Variants in GALNTL6 observed in about 807,000 individuals in gnomAD.
GALNTL6 encodes polypeptide N-acetylgalactosaminyltransferase-like 6.
Under a neutral mutation model 73.7 loss-of-function variants are expected in GALNTL6, and 46 were observed. The observed-to-expected ratio is 0.62, with a 90% CI of 0.49 to 0.80. The LOEUF is 0.80. Ranked by LOEUF, GALNTL6 falls within the 30% of genes least tolerant of loss-of-function variation. GALNTL6 has a pLI of 0.00. For synonymous variants in GALNTL6, 259 were observed against 263.7 expected (o/e 0.98, Z 0.17); for missense variants, 604 against 755.0 (o/e 0.80, Z 2.34).
chr4:172,793,536 G>A (rs946323160), intron 5 of GALNTL6, among the ~76,000 whole-genome samples: 1 of 152,178 alleles, frequency 6.6e-6, no homozygotes, highest in African/African-American at 2.4e-5. Context: ...GGGACCATGG[G>A]AGACACATCA....
intron 5 of GALNTL6, among the ~76,000 whole-genome samples, chr4:172,377,248 C>T (rs1743065576): frequency 6.6e-6 from 1 of 152,186 alleles, no homozygotes; most frequent in East Asian, 1.9e-4. Flanking sequence ...GGTGCGTTTA[C>T]AATCCCTGAG....
intron 5 of GALNTL6, among the ~76,000 whole-genome samples, chr4:172,631,781 A>G (rs977269134): frequency 6.6e-6 from 1 of 152,230 alleles, no homozygotes; most frequent in African/African-American, 2.4e-5. Flanking sequence ...TGAATATAAA[A>G]GGGATAGGTA....
intron 2 of GALNTL6, among the ~76,000 whole-genome samples, chr4:171,946,426 G>A (rs1341414142): frequency 2.6e-5 from 4 of 152,110 alleles, no homozygotes; most frequent in Admixed American, 2.6e-4. Context: ...AGCAATTCCT[G>A]GGTAGAGTTT....
At chr4:171,889,269 C>A (rs542325497) in intron 2 of GALNTL6, among the ~76,000 whole-genome samples, 69 of 152,032 alleles carry the variant, frequency 4.5e-4, no homozygotes, top group African/African-American at 1.6e-3. Flanking sequence ...TATTTAACAT[C>A]GTCAAGTTAA....
At chr4:172,392,268 C>T (rs893531902) in intron 5 of GALNTL6, among the ~76,000 whole-genome samples, 2 of 152,142 alleles carry the variant, frequency 1.3e-5, no homozygotes, top group Admixed American at 6.5e-5. Flanking sequence ...GAATCACAGA[C>T]ATGAGCCACC....
chr4:173,033,814 A>G (rs1170230103), intron 12 of GALNTL6, among the ~76,000 whole-genome samples: 1 of 152,214 alleles, frequency 6.6e-6, no homozygotes, highest in Non-Finnish European at 1.5e-5. Context: ...TTACAGAAAC[A>G]TCCTCTTCCA....
intron 2 of GALNTL6, among the ~76,000 whole-genome samples, chr4:172,052,215 C>A (rs1215165369): frequency 6.6e-6 from 1 of 152,156 alleles, no homozygotes; most frequent in Non-Finnish European, 1.5e-5. Flanking sequence ...GTTCTTATAT[C>A]CCGGTCATGG....
intron 2 of GALNTL6, among the ~76,000 whole-genome samples, chr4:171,910,240 T>G (rs1200932115): frequency 3.3e-5 from 5 of 152,118 alleles, no homozygotes; most frequent in Admixed American, 1.3e-4. Flanking sequence ...ACCTTCATCT[T>G]TTTAATAATC....
intron 2 of GALNTL6, among the ~76,000 whole-genome samples, chr4:172,004,296 G>A (rs1315340456): frequency 1.3e-5 from 2 of 152,120 alleles, no homozygotes; most frequent in Non-Finnish European, 1.5e-5. Flanking sequence ...CTTTCAGAAA[G>A]AGTGACAATG....
intron 5 of GALNTL6, among the ~76,000 whole-genome samples, chr4:172,803,699 C>A (rs1190921698): frequency 6.6e-6 from 1 of 152,060 alleles, no homozygotes; most frequent in East Asian, 1.9e-4. Flanking sequence ...CATTCTAATT[C>A]TTTTTTTCTT....
chr4:172,081,973 C>A (rs977776365), intron 2 of GALNTL6, among the ~76,000 whole-genome samples: 1 of 151,546 alleles, frequency 6.6e-6, no homozygotes, highest in Non-Finnish European at 1.5e-5. Flanking sequence ...GCCTCCCAGG[C>A]TCAAGCTATT....
At chr4:172,840,970 G>A (rs1022517306) in intron 7 of GALNTL6, among the ~76,000 whole-genome samples, 1 of 152,182 alleles carries the variant, frequency 6.6e-6, no homozygotes, top group Admixed American at 6.5e-5. Flanking sequence ...TCTGGGGCCA[G>A]CAGTCCTTCA....
intron 5 of GALNTL6, among the ~76,000 whole-genome samples, chr4:172,438,719 A>G (rs148709822): frequency 1.3e-5 from 2 of 152,106 alleles, no homozygotes; most frequent in Non-Finnish European, 2.9e-5. Flanking sequence ...AGTAACCTCA[A>G]ATGAGACATT....
At chr4:172,693,626 G>T (rs1000707447) in intron 5 of GALNTL6, among the ~76,000 whole-genome samples, 1 of 152,088 alleles carries the variant, frequency 6.6e-6, no homozygotes, top group East Asian at 1.9e-4. Context: ...CTCTCACTAT[G>T]CTCCTTCCGC....
At position 172,906,880 on chromosome 4, in the gene GALNTL6, G is replaced by A. The variant is rs549491011; in HGVS notation, c.1041+23973G>A. Reference sequence around the variant, plus strand: ...ATTTTAAGACTCACTTGTTAGGTCAGACCTATCCAGGAAAATTTCCCTTTT... The same window carrying A: ...ATTTTAAGACTCACTTGTTAGGTCAAACCTATCCAGGAAAATTTCCCTTTT... On this transcript the variant is annotated intron_variant, in intron 8 of 12. Transcript: ENST00000506823. Among the ~76,000 whole-genome samples, 5 of 152,350 alleles carry A rather than the reference G, an allele frequency of 3.3e-5. No individual in the cohort carries two copies. In the East Asian group the frequency reaches 9.6e-4, roughly 29 times the overall value.
chr4:172,015,286 A>G (rs1741151778), intron 2 of GALNTL6, among the ~76,000 whole-genome samples: 1 of 151,576 alleles, frequency 6.6e-6, no homozygotes, highest in Non-Finnish European at 1.5e-5. Context: ...CTGTTGGACT[A>G]CTCCCTTTAT....
intron 2 of GALNTL6, among the ~76,000 whole-genome samples, chr4:171,998,241 A>G (rs1410400002): frequency 1.3e-5 from 2 of 152,168 alleles, no homozygotes; most frequent in Admixed American, 6.6e-5. Context: ...GCAAAACAGA[A>G]CCAACAGAAT....
intron 2 of GALNTL6, among the ~76,000 whole-genome samples, chr4:171,834,630 A>G (rs1735054644): frequency 1.3e-5 from 2 of 152,028 alleles, no homozygotes; most frequent in Non-Finnish European, 2.9e-5. Flanking sequence ...CACATTTACA[A>G]TATGCGATGG....
intron 10 of GALNTL6, among the ~76,000 whole-genome samples, chr4:172,954,251 T>C (rs17059062): frequency 0.039 from 5,875 of 152,296 alleles, 258 homozygotes; most frequent in African/African-American, 0.1. Flanking sequence ...ATAAGCACCT[T>C]TTCTAAATAG....
Sources: gnomAD v4.1 joint callset for allele counts (sites outside exome capture counted in the v4.1 genomes callset) on GRCh38, gnomAD v4.1.1 for gene constraint, MANE v1.5 for transcripts, NCBI Gene and HGNC (gene_info 2026-07-23, HGNC 2026-07-21) for gene names.